The following MMP13 variants were observed in gnomAD, a reference collection of about 807,000 sequenced individuals.
The protein encoded by MMP13 is collagenase 3.
MMP13 carries 45 observed loss-of-function variants against 52.1 expected under a neutral mutation model. That is an observed-to-expected ratio of 0.86 (90% CI 0.68 to 1.11). The LOEUF (loss-of-function observed/expected upper bound fraction) is 1.11, where lower values mean the gene tolerates loss of function less well. Ranked by LOEUF, MMP13 falls within the 50% of genes least tolerant of loss-of-function variation. MMP13 has a pLI of 0.00. For missense variants in MMP13, 576 were observed against 583.8 expected, an observed-to-expected ratio of 0.99 and a Z score of 0.14; for synonymous variants, 200 against 204.4, an observed-to-expected ratio of 0.98 and a Z score of 0.18.
chr11:102,948,990 G>C lies in MMP13; in HGVS notation c.1051+35C>G, dbSNP rs782060589. 5.6e-6 allele frequency: 9 copies of C among 1,612,562 alleles called. No individual in the cohort carries two copies. The African/African-American group carries it at 6.7e-5, about 12-fold the overall frequency. On this transcript the variant is annotated intron_variant, in intron 7 of 9. Transcript: ENST00000260302. The stretch of plus-strand genomic sequence containing the variant: ...CATCAAATTCAGCACTGCCTCCCCT[G>C]GTCTTGTGTGAGGACTCCTCTGTGG...
rs1024292762 is a variant in MMP13 at position 102,946,257 on chromosome 11, C to T, written c.1212-508G>A. 3.9e-5 allele frequency among the ~76,000 whole-genome samples: 6 copies of T among 152,306 alleles called. No homozygotes were observed. The South Asian group carries it at 6.2e-4, about 16-fold the overall frequency. ...GCATAGCTTTCCCCCTCCATAACTG[C>T]ATATTTCAAGCTCCTTCTCCCCTGC... On this transcript the variant is annotated intron_variant, in intron 8 of 9. Transcript: ENST00000260302.
rs1860674032 is a variant in MMP13, at chr11:102,955,053, A to G, written c.362+199T>C. 6.6e-6 allele frequency among the ~76,000 whole-genome samples: 1 copy of G among 152,198 alleles called. No homozygotes were observed. The highest frequency in any genetic ancestry group is 2.1e-4 in the South Asian group (1 of 4,836). On this transcript the variant is annotated intron_variant, in intron 2 of 9. Coordinates refer to ENST00000260302, the MANE Select transcript of MMP13 (RefSeq NM_002427.4). This position sits in a 1 kb window ranked among gnomAD's most constrained non-coding sequence, Gnocchi z 4.9. ...TCTCTTTTGATTTCATCTCTAAAAG[A>G]AATACTTTGAGATGCCCACTAAAAA...
At chr11:102,946,321 T>C (rs1489139828) in intron 8 of MMP13, among the ~76,000 whole-genome samples, 1 of 152,162 alleles carries the variant, frequency 6.6e-6, no homozygotes, top group African/African-American at 2.4e-5. Context: ...TATCCTAAAA[T>C]TAACCTAGGA....
At position 102,944,863 on chromosome 11, in the gene MMP13, C is replaced by T. The variant is rs536879973; in HGVS notation, c.1316-497G>A. Among the ~76,000 whole-genome samples, 89 of 147,084 alleles carry T rather than the reference C, an allele frequency of 6.1e-4. 1 individual carries two copies. The South Asian group carries it at 0.019, about 32-fold the overall frequency. ...CTTGAACTCCTGACCTCAAGTGATC[C>T]GCCCACCTCAGCTTCCCAAAGTGCT... On this transcript the variant is annotated intron_variant, in intron 9 of 9. Coordinates refer to ENST00000260302, the MANE Select transcript of MMP13 (RefSeq NM_002427.4).
chr11:102,948,749 A>C (rs1180352699), intron 7 of MMP13, among the ~76,000 whole-genome samples: 2 of 152,214 alleles, frequency 1.3e-5, no homozygotes, highest in South Asian at 2.1e-4. Context: ...TTTCTCAATA[A>C]ACAATTTTTA....
At chr11:102,948,682 A>G (rs868939469) in intron 7 of MMP13, among the ~76,000 whole-genome samples, 2 of 152,216 alleles carry the variant, frequency 1.3e-5, no homozygotes, top group South Asian at 2.1e-4. Flanking sequence ...GAGTTTTCAG[A>G]AGGAAGAATG....
rs1860635123 is a variant in MMP13, at chr11:102,952,906, G to C, written c.638-733C>G. Among the ~76,000 whole-genome samples, 1 of 152,090 alleles carries C rather than the reference G, an allele frequency of 6.6e-6. No individual in the cohort carries two copies. Among genetic ancestry groups the C allele is most frequent in the South Asian group, 2.1e-4 (1 of 4,824 alleles). ...AAAAACTAAAAGAAAAATAAGAAGT[G>C]CAAGGCAATAGGATTGTTGTTACCT... On this transcript the variant is annotated intron_variant, in intron 4 of 9. Coordinates refer to ENST00000260302, the MANE Select transcript of MMP13 (RefSeq NM_002427.4). The surrounding 1 kb of genome is among the most constrained non-coding windows in gnomAD (Gnocchi z 4.3).
In MMP13 at chr11:102,948,011, T is replaced by C. The variant is rs1555016861; in HGVS notation, c.1091A>G (p.Glu364Gly). 2 of 1,613,690 alleles carry C rather than the reference T, an allele frequency of 1.2e-6. No individual in the cohort carries two copies. The highest frequency in any genetic ancestry group is 2.7e-5 in the African/African-American group (2 of 74,874). Residue 364 changes from glutamate to glycine, a missense_variant, in exon 8 of 10, where the codon GAA becomes GGA. By Grantham distance (98) the Glu-to-Gly change is moderately conservative. Transcript: ENST00000260302. ...TTCAGATATTTTTTTGGGATAACCT[T>C]CCAGAATGTCATAACCATTAAGAGC... ...FWALNGYDIL[E>G]GYPKKISELG...
In MMP13 at chr11:102,949,433, C is replaced by A. The variant is rs191479802; in HGVS notation, c.918-275G>T. ...AACAGTCTTGCTCAATTTTGGGTAT[C>A]TTGCCAGGGGCAAGCAAATGTGCCA... On this transcript the variant is annotated intron_variant, in intron 6 of 9. Coordinates refer to ENST00000260302, the MANE Select transcript of MMP13 (RefSeq NM_002427.4). The surrounding 1 kb of genome is among the most constrained non-coding windows in gnomAD (Gnocchi z 4.2). 6.6e-6 allele frequency among the ~76,000 whole-genome samples: 1 copy of A among 152,294 alleles called. No individual in the cohort carries two copies. Among genetic ancestry groups the A allele is most frequent in the East Asian group, 1.9e-4 (1 of 5,180 alleles).
At position 102,950,134 on chromosome 11, in the gene MMP13, C is replaced by T; in HGVS notation, c.893G>A (p.Gly298Glu). ...LSLDAITSLR[G>E]ETMIFKDRFF... ...CCTGTCTTTAAAGATCATTGTTTCTCCTCGGAGACTGGTAATGGCATCAAG... is the reference window on the plus strand; with the variant it reads ...CCTGTCTTTAAAGATCATTGTTTCTTCTCGGAGACTGGTAATGGCATCAAG... Residue 298 changes from glycine to glutamate, a missense_variant, in exon 6 of 10, where the codon GGA becomes GAA. Physicochemically the swap from Gly to Glu is moderately conservative, Grantham distance 98. Coordinates refer to ENST00000260302, the MANE Select transcript of MMP13 (RefSeq NM_002427.4). 1.9e-6 allele frequency: 3 copies of T among 1,612,698 alleles called. No homozygotes were observed. The highest frequency in any genetic ancestry group is 1.7e-4 in the Middle Eastern group (1 of 6,058).
chr11:102,947,572 C>CA (rs34219033), intron 8 of MMP13, among the ~76,000 whole-genome samples: 11,627 of 147,524 alleles, frequency 0.079, 609 homozygotes, highest in African/African-American at 0.15. Context: ...GACTCAGTCT[C>CA]AAAAAAAAAG....
In MMP13 at chr11:102,955,376, T is replaced by C. The variant is rs1860680313; in HGVS notation, c.238A>G (p.Thr80Ala). The C allele has an allele frequency of 6.2e-7, 1 of 1,613,910 alleles. No individual in the cohort carries two copies. The highest frequency in any genetic ancestry group is 1.1e-5 in the South Asian group (1 of 91,078). Residue 80 changes from threonine to alanine, a missense_variant, in exon 2 of 10, where the codon ACT (threonine) becomes GCT (alanine). Transcript: ENST00000260302. This position sits in a 1 kb window ranked among gnomAD's most constrained non-coding sequence, Gnocchi z 4.9. ...EMQSFFGLEV[T>A]GKLDDNTLDV... The stretch of plus-strand genomic sequence containing the variant: ...AAGGTGTTATCGTCAAGTTTGCCAG[T>C]CACCTCTAAGCCGAAGAAAGACTGC...
rs146954198 is a variant in MMP13, at chr11:102,943,190, G to A, written c.*1076C>T. 2 of 152,120 alleles carry A rather than the reference G, an allele frequency of 1.3e-5. No individual in the cohort carries two copies. Among genetic ancestry groups the A allele is most frequent in the African/African-American group, 2.4e-5 (1 of 41,500 alleles). The allele number at this position is 152,120 out of a possible 1,614,324, so 9.4% of individuals were successfully genotyped here. A position where few individuals can be genotyped will look rare whatever the true frequency, so the allele number is the denominator to read the frequency against. On this transcript the variant is annotated 3_prime_UTR_variant, in exon 10 of 10. Transcript: ENST00000260302. The stretch of plus-strand genomic sequence containing the variant: ...AGTATCAATAGGCACTGTGGGAAGT[G>A]CTGGGGGATTTTTTTAAATGCAGAG...
At chr11:102,950,961 G>GTGATAGAT (rs1251815792) in intron 5 of MMP13, among the ~76,000 whole-genome samples, 2 of 152,166 alleles carry the variant, frequency 1.3e-5, no homozygotes, top group African/African-American at 2.4e-5. Context: ...GCTAGCTACT[G>GTGATAGAT]TGATAGATTG....
intron 8 of MMP13, among the ~76,000 whole-genome samples, chr11:102,946,918 T>C (rs1489373861): frequency 6.6e-6 from 1 of 152,126 alleles, no homozygotes; most frequent in Non-Finnish European, 1.5e-5. Flanking sequence ...TATGTAGAGA[T>C]GGAGGAAAGT....
In MMP13 at chr11:102,955,663, T is replaced by G; in HGVS notation, c.43A>C (p.Thr15Pro). The change falls in exon 1 of 10, where the codon ACT (threonine) becomes CCT (proline). Residue 15 changes from threonine (T) to proline (P), a missense_variant. By Grantham distance (38) the Thr-to-Pro change is conservative (BLOSUM62 -1). Coordinates refer to ENST00000260302, the MANE Select transcript of MMP13 (RefSeq NM_002427.4). This position sits in a 1 kb window ranked among gnomAD's most constrained non-coding sequence, Gnocchi z 4.9. Reference sequence around the variant, plus strand: ...GGAAGGGGCAGGGCCCGACAATGAGTCCAGCTCAAGAAGAGGAAGGCAGCC... The same window carrying G: ...GGAAGGGGCAGGGCCCGACAATGAGGCCAGCTCAAGAAGAGGAAGGCAGCC... ...VLAAFLFLSW[T>P]HCRALPLPSG... The G allele has an allele frequency of 6.2e-7, 1 of 1,613,820 alleles. No individual in the cohort carries two copies. The highest frequency in any genetic ancestry group is 8.5e-7 in the Non-Finnish European group (1 of 1,179,884).
rs751380641 is a variant in MMP13 at position 102,955,158 on chromosome 11, C to G, written c.362+94G>C. 25 of 1,406,670 alleles carry G rather than the reference C, an allele frequency of 1.8e-5. No homozygotes were observed. Among genetic ancestry groups the G allele is most frequent in the Non-Finnish European group, 2.4e-5 (24 of 1,012,752 alleles). 87.1% of individuals were successfully genotyped at this position (1,406,670 alleles called of 1,614,324 possible). A position where few individuals can be genotyped will look rare whatever the true frequency, so the allele number is the denominator to read the frequency against. ...ATATTAAAGCTATTCTGGAATTTAACTGCCAATTAAATAATAAGGCCTACT... is the reference window on the plus strand; with the variant it reads ...ATATTAAAGCTATTCTGGAATTTAAGTGCCAATTAAATAATAAGGCCTACT... On this transcript the variant is annotated intron_variant, in intron 2 of 9. Transcript: ENST00000260302. The surrounding 1 kb of genome is among the most constrained non-coding windows in gnomAD (Gnocchi z 4.9).
intron 9 of MMP13, 112 bp downstream of exon 9, chr11:102,945,534 G>T (rs1462990130): frequency 2.8e-5 from 21 of 743,948 alleles, no homozygotes; most frequent in Non-Finnish European, 4.6e-5. Context: ...TTCCTTAACT[G>T]CCATACATTT....
Position 102,943,843 on chromosome 11 carries a change from C to A in MMP13, c.*423G>T. ...TTTGGTTTATTTCTTTTATGTATGG[C>A]TCTCCCAAATTTCCATTTTCATACT... On this transcript the variant is annotated 3_prime_UTR_variant, in exon 10 of 10. Transcript: ENST00000260302. 1 of 178,268 alleles carries A rather than the reference C, an allele frequency of 5.6e-6. No homozygotes were observed. The highest frequency in any genetic ancestry group is 1.2e-5 in the Non-Finnish European group (1 of 83,090). The allele number at this position is 178,268 out of a possible 1,614,324, so 11.0% of individuals were successfully genotyped here.
Sources: allele counts gnomAD v4.1 joint callset (sites outside exome capture counted in the v4.1 genomes callset), GRCh38; gene constraint gnomAD v4.1.1; non-coding constraint Gnocchi (gnomAD v3.1); transcripts MANE v1.5; gene names NCBI Gene and HGNC (gene_info 2026-07-23, HGNC 2026-07-21).